Variants in CELF5 observed in about 807,000 individuals in gnomAD.
CELF5 encodes the protein CUGBP Elav-like family member 5.
CELF5 carries 6 observed loss-of-function variants against 54.9 expected under a neutral mutation model. The ratio of observed to expected loss-of-function variants is 0.11; its 90% CI spans 0.06 to 0.22. The LOEUF is 0.22. Among genes scored for constraint, CELF5 ranks in the 10% least tolerant of loss-of-function variants. CELF5 has a pLI of 1.00. For synonymous variants in CELF5, 271 were observed against 290.9 expected, an observed-to-expected ratio of 0.93 and a Z score of 0.70; for missense variants, 401 against 678.6, an observed-to-expected ratio of 0.59 and a Z score of 4.54.
Position 3,250,845 on chromosome 19 carries a change from G to A in CELF5, c.260-140G>A, listed in dbSNP as rs879242848. On this transcript the variant is annotated intron_variant, in intron 1 of 12. Transcript: ENST00000292672. ...TTGGCTGAATAATATTCCGTTGCGTGGATGCACCAGGTTGTGTAGATCTAT... is the reference window on the plus strand; with the variant it reads ...TTGGCTGAATAATATTCCGTTGCGTAGATGCACCAGGTTGTGTAGATCTAT... The A allele has an allele frequency of 1.4e-5, 9 of 631,620 alleles. No homozygotes were observed. The South Asian group carries it at 1.6e-4, about 11-fold the overall frequency. The allele number at this position is 631,620 out of a possible 1,614,324, so 39.1% of individuals were successfully genotyped here. A position where few individuals can be genotyped will look rare whatever the true frequency, so the allele number is the denominator to read the frequency against.
In CELF5 at chr19:3,256,064, C is replaced by CAGAAAAAAAAAAAA. The variant is rs372488135; in HGVS notation, c.342+4998_342+4999insGAAAAAAAAAAAAA. Among the ~76,000 whole-genome samples, 32 of 139,560 alleles carry CAGAAAAAAAAAAAA rather than the reference C, an allele frequency of 2.3e-4. 1 individual carries two copies. Among genetic ancestry groups the CAGAAAAAAAAAAAA allele is most frequent in the East Asian group, 1.2e-3 (5 of 4,090 alleles). 91.6% of individuals were successfully genotyped at this position (139,560 alleles called of 152,430 possible). On this transcript the variant is annotated intron_variant, in intron 2 of 12. Transcript: ENST00000292672. ...TGGGTGACAGAACAAGACCCTGTCT[C>CAGAAAAAAAAAAAA]AAAAAAAAAGGAAAGGTGCGAAGTG...
At chr19:3,274,433 C>T (rs1369023983) in intron 3 of CELF5, among the ~76,000 whole-genome samples, 1 of 152,208 alleles carries the variant, frequency 6.6e-6, no homozygotes, top group South Asian at 2.1e-4. Flanking sequence ...TGCACATAAG[C>T]GCACATGTGT....
At chr19:3,263,074 C>T (rs752770224) in intron 2 of CELF5, among the ~76,000 whole-genome samples, 13 of 151,402 alleles carry the variant, frequency 8.6e-5, no homozygotes, top group South Asian at 2.1e-4. Context: ...GGTGAAACTC[C>T]GTCTCTACTA....
In CELF5 at chr19:3,275,353, C is replaced by G. The variant is rs535477760; in HGVS notation, c.395-503C>G. Among the ~76,000 whole-genome samples the G allele has an allele frequency of 6.6e-6, 1 of 152,238 alleles. No homozygotes were observed. Among genetic ancestry groups the G allele is most frequent in the Non-Finnish European group, 1.5e-5 (1 of 68,050 alleles). ...GTGACTGCCTGGCCCCTCTTGATCC[C>G]GACAAAGTTGGGCAGGGGCCTCTGC... On this transcript the variant is annotated intron_variant, in intron 3 of 12. Transcript: ENST00000292672. This position sits in a 1 kb window ranked among gnomAD's most constrained non-coding sequence, Gnocchi z 6.7.
Position 3,281,677 on chromosome 19 carries a change from G to T in CELF5, c.750+332G>T, listed in dbSNP as rs1280100631. 1.3e-5 allele frequency among the ~76,000 whole-genome samples: 2 copies of T among 152,136 alleles called. No homozygotes were observed. The highest frequency in any genetic ancestry group is 2.9e-5 in the Non-Finnish European group (2 of 68,036). On this transcript the variant is annotated intron_variant, in intron 6 of 12. Transcript: ENST00000292672. This position sits in a 1 kb window ranked among gnomAD's most constrained non-coding sequence, Gnocchi z 6.5. ...CCTGATCAAGCTCCACCCTGGCTGA[G>T]ACCTGATCCCAAGTTGAGCCCCAGC...
chr19:3,230,104 A>ATTCG (rs1342202616), intron 1 of CELF5, among the ~76,000 whole-genome samples: 1 of 151,954 alleles, frequency 6.6e-6, no homozygotes, highest in African/African-American at 2.4e-5. Context: ...TCATTCATTC[A>ATTCG]TTCATTCATT....
rs887781571 is a variant in CELF5, at chr19:3,228,957, T to C, written c.259+3959T>C. The stretch of plus-strand genomic sequence containing the variant: ...GGGAAGGACTCCTGCCGGGGTGCTG[T>C]GTGGCTTCAAGCTGAGCGCGCCCCT... On this transcript the variant is annotated intron_variant, in intron 1 of 12. Coordinates refer to ENST00000292672, the MANE Select transcript of CELF5 (RefSeq NM_021938.4). This position sits in a 1 kb window ranked among gnomAD's most constrained non-coding sequence, Gnocchi z 6.0. Among the ~76,000 whole-genome samples, 2 of 151,780 alleles carry C rather than the reference T, an allele frequency of 1.3e-5. No individual in the cohort carries two copies. The highest frequency in any genetic ancestry group is 4.8e-5 in the African/African-American group (2 of 41,296).
At chr19:3,252,196 G>C (rs113305163) in intron 2 of CELF5, among the ~76,000 whole-genome samples, 16,289 of 151,982 alleles carry the variant, frequency 0.11, 908 homozygotes, top group Non-Finnish European at 0.12. Flanking sequence ...GCCATCACAC[G>C]TGGCTAATTT....
Position 3,228,939 on chromosome 19 carries a change from A to C in CELF5, c.259+3941A>C. On this transcript the variant is annotated intron_variant, in intron 1 of 12. Coordinates refer to ENST00000292672, the MANE Select transcript of CELF5 (RefSeq NM_021938.4). This position sits in a 1 kb window ranked among gnomAD's most constrained non-coding sequence, Gnocchi z 6.0. ...GTACGCGGGCGCGCGCCTGGGAAGG[A>C]CTCCTGCCGGGGTGCTGTGTGGCTT... 6.8e-6 allele frequency among the ~76,000 whole-genome samples: 1 copy of C among 146,630 alleles called. No homozygotes were observed. The highest frequency in any genetic ancestry group is 1.5e-5 in the Non-Finnish European group (1 of 66,508).
In CELF5 at chr19:3,281,325, T is replaced by C; in HGVS notation, c.730T>C (p.Tyr244His). The C allele has an allele frequency of 6.2e-7, 1 of 1,609,494 alleles. No homozygotes were observed. The highest frequency in any genetic ancestry group is 8.5e-7 in the Non-Finnish European group (1 of 1,179,318). ...TPSLTLPFSP[Y>H]SAYAQALMQQ... Reference sequence around the variant, plus strand: ...GTCCCTCACATTGCCCTTCAGCCCCTACAGTGCCTACGCCCAGGCTGTGAG... The same window carrying C: ...GTCCCTCACATTGCCCTTCAGCCCCCACAGTGCCTACGCCCAGGCTGTGAG... Residue 244 changes from tyrosine (Y) to histidine (H), a missense_variant, in exon 6 of 13, where the codon TAC (tyrosine) becomes CAC (histidine). Coordinates refer to ENST00000292672, the MANE Select transcript of CELF5 (RefSeq NM_021938.4). The surrounding 1 kb of genome is among the most constrained non-coding windows in gnomAD (Gnocchi z 6.5).
chr19:3,227,787 C>G (rs1215724119), intron 1 of CELF5, among the ~76,000 whole-genome samples: 1 of 152,078 alleles, frequency 6.6e-6, no homozygotes, highest in Non-Finnish European at 1.5e-5. Context: ...AGCTAGGCCC[C>G]CATTACCCCC....
intron 2 of CELF5, among the ~76,000 whole-genome samples, chr19:3,261,102 A>G (rs1599432620): frequency 2.6e-5 from 4 of 152,072 alleles, no homozygotes. Context: ...AAATGCACCT[A>G]CAGATCAAGG....
At chr19:3,257,738 A>T (rs1362123796) in intron 2 of CELF5, among the ~76,000 whole-genome samples, 2 of 151,398 alleles carry the variant, frequency 1.3e-5, no homozygotes, top group East Asian at 1.9e-4. Flanking sequence ...GGACTCCCAA[A>T]GTGCTGGGAT....
At chr19:3,263,649 A>T (rs1443602011) in intron 2 of CELF5, among the ~76,000 whole-genome samples, 1 of 152,164 alleles carries the variant, frequency 6.6e-6, no homozygotes, top group Non-Finnish European at 1.5e-5. Context: ...TCACGCCTGT[A>T]ATCCCCGCAC....
At position 3,275,025 on chromosome 19, in the gene CELF5, C is replaced by T. The variant is rs937203213; in HGVS notation, c.395-831C>T. On this transcript the variant is annotated intron_variant, in intron 3 of 12. Transcript: ENST00000292672. This position sits in a 1 kb window ranked among gnomAD's most constrained non-coding sequence, Gnocchi z 6.7. ...CGCGCACTCTCTCTCTGATCTGTCTCTCTCTCTCCCTGATTCTCAGTCTCT... is the reference window on the plus strand; with the variant it reads ...CGCGCACTCTCTCTCTGATCTGTCTTTCTCTCTCCCTGATTCTCAGTCTCT... Among the ~76,000 whole-genome samples, 2 of 152,098 alleles carry T rather than the reference C, an allele frequency of 1.3e-5. No individual in the cohort carries two copies. The highest frequency in any genetic ancestry group is 1.3e-4 in the Admixed American group (2 of 15,272).
At chr19:3,289,121 T>C (rs2080299575) in intron 10 of CELF5, among the ~76,000 whole-genome samples, 1 of 152,220 alleles carries the variant, frequency 6.6e-6, no homozygotes, top group Admixed American at 6.5e-5. Context: ...ATCTGTAGTT[T>C]TAGGATATCT....
At chr19:3,243,154 C>T (rs2079515215) in intron 1 of CELF5, among the ~76,000 whole-genome samples, 1 of 151,794 alleles carries the variant, frequency 6.6e-6, no homozygotes, top group Admixed American at 6.6e-5. Flanking sequence ...TTATTCTTTT[C>T]TTTTTCAGTT....
intron 1 of CELF5, among the ~76,000 whole-genome samples, chr19:3,250,628 TC>T (rs2079635492): frequency 6.6e-6 from 1 of 152,166 alleles, no homozygotes; most frequent in South Asian, 2.1e-4. Flanking sequence ...ATACACTCAG[TC>T]CTCATTCCCC....
chr19:3,290,403 C>T, intron 11 of CELF5, 29 bp downstream of exon 11: 1 of 1,610,988 alleles, frequency 6.2e-7, no homozygotes, highest in Non-Finnish European at 8.5e-7. Flanking sequence ...CACCCCTCCC[C>T]ATCCACCTCC....
Sources: gnomAD v4.1 joint callset for allele counts (sites outside exome capture counted in the v4.1 genomes callset) on GRCh38, gnomAD v4.1.1 for gene constraint, Gnocchi (gnomAD v3.1) non-coding constraint, MANE v1.5 for transcripts, NCBI Gene and HGNC (gene_info 2026-07-23, HGNC 2026-07-21) for gene names.